Variants in SLC9A6 observed in about 807,000 individuals in gnomAD.
SLC9A6 encodes solute carrier family 9 member A6, also known as sodium/hydrogen exchanger 6.
Under a neutral mutation model 45.3 loss-of-function variants are expected in SLC9A6, and 6 were observed. The observed-to-expected ratio is 0.13, with a 90% CI of 0.07 to 0.26. SLC9A6 has a LOEUF of 0.26. SLC9A6 is among the 10% of genes least tolerant of loss of function. The probability of loss-of-function intolerance (pLI) is 1.00; values close to 1 mark genes in which losing one functional copy is unlikely to be tolerated. For synonymous variants in SLC9A6, 191 were observed against 187.7 expected, an observed-to-expected ratio of 1.02 and a Z score of -0.14; for missense variants, 278 against 503.7, an observed-to-expected ratio of 0.55 and a Z score of 4.29.
chrX:136,029,112 A>G lies in SLC9A6; in HGVS notation c.1550+137A>G, dbSNP rs1269966008. 57 of 263,499 alleles carry G rather than the reference A, an allele frequency of 2.2e-4. No individual in the cohort carries two copies. In the East Asian group the frequency reaches 3.2e-3, roughly 15 times the overall value. The allele number at this position is 263,499 out of a possible 1,213,427, so 21.7% of individuals were successfully genotyped here. On this transcript the variant is annotated intron_variant, in intron 14 of 17. Transcript: ENST00000630721. ...TTTGGAACTTGAAAATCGCTTAAAAAATGAGGGAAAGCACATTGCAGCTGG... is the reference window on the plus strand; with the variant it reads ...TTTGGAACTTGAAAATCGCTTAAAAGATGAGGGAAAGCACATTGCAGCTGG...
intron 7 of SLC9A6, among the ~76,000 whole-genome samples, chrX:136,004,551 C>G (rs983209037): frequency 1.2e-4 from 14 of 112,074 alleles, no homozygotes; most frequent in Non-Finnish European, 2.6e-4. Flanking sequence ...AAGAATAAAA[C>G]ATCACTGGCT....
chrX:135,990,824 G>A (rs2089418316), intron 2 of SLC9A6, among the ~76,000 whole-genome samples: 1 of 111,629 alleles, frequency 9.0e-6, no homozygotes, highest in Admixed American at 9.5e-5. Flanking sequence ...GTTGGGCTTG[G>A]GGACATGGAA....
At chrX:136,038,348 ATTGT>A (rs1287410525) in intron 16 of SLC9A6, among the ~76,000 whole-genome samples, 1 of 111,789 alleles carries the variant, frequency 8.9e-6, no homozygotes, top group Non-Finnish European at 1.9e-5. Flanking sequence ...TCATTGATTG[ATTGT>A]TTGAATGTTA....
At chrX:136,020,940 C>T (rs2148185040) in intron 11 of SLC9A6, among the ~76,000 whole-genome samples, 1 of 108,367 alleles carries the variant, frequency 9.2e-6, no homozygotes, top group African/African-American at 3.4e-5. Context: ...TCTGGCTCAG[C>T]CCAAGAATTG....
In SLC9A6 at chrX:136,016,735, C is replaced by T. The variant is rs1162173194; in HGVS notation, c.1171C>T (p.Pro391Ser). ...LFTFQNHVFNPTFVVGAFVAI... is the reference protein window; with the variant it reads ...LFTFQNHVFNSTFVVGAFVAI... Reference sequence around the variant, plus strand: ...CACCTTCCAGAACCATGTCTTTAACCCAACATTTGTAGTAGGAGCATTTGT... The same window carrying T: ...CACCTTCCAGAACCATGTCTTTAACTCAACATTTGTAGTAGGAGCATTTGT... Residue 391 changes from proline to serine, a missense_variant, in exon 11 of 18, where the codon CCA (proline) becomes TCA (serine). By Grantham distance (74) the Pro-to-Ser change is moderately conservative. This residue lies in a region of SLC9A6 where 41 missense variants were observed against 51.8 expected (regional missense o/e 0.79). Transcript: ENST00000630721. 1.7e-6 allele frequency: 2 copies of T among 1,149,356 alleles called. No homozygotes were observed. The highest frequency in any genetic ancestry group is 2.4e-6 in the Non-Finnish European group (2 of 840,563). 94.7% of individuals were successfully genotyped at this position (1,149,356 alleles called of 1,213,427 possible).
Position 136,022,718 on chromosome X carries a change from C to T in SLC9A6, c.1306+21C>T, listed in dbSNP as rs1556620055. 2.9e-6 allele frequency: 3 copies of T among 1,019,863 alleles called. No individual in the cohort carries two copies. The South Asian group carries it at 5.7e-5, about 19-fold the overall frequency. The allele number at this position is 1,019,863 out of a possible 1,213,427, so 84.0% of individuals were successfully genotyped here. ...TGCTGGTAAGTTGTAACTTTCTTCTCTTGCCCACTTCAAGCAACCATTCAC... is the reference window on the plus strand; with the variant it reads ...TGCTGGTAAGTTGTAACTTTCTTCTTTTGCCCACTTCAAGCAACCATTCAC... On this transcript the variant is annotated intron_variant, in intron 12 of 17. Coordinates refer to ENST00000630721, the MANE Select transcript of SLC9A6 (RefSeq NM_001379110.1).
intron 16 of SLC9A6, among the ~76,000 whole-genome samples, chrX:136,035,936 T>TC (rs2071406294): frequency 1.9e-5 from 2 of 104,354 alleles, no homozygotes; most frequent in South Asian, 4.6e-4. Flanking sequence ...TTTTTTTTTT[T>TC]CTCAATGTAG....
In SLC9A6 at chrX:136,027,107, G is replaced by C. The variant is rs2071241765; in HGVS notation, c.1461-1779G>C. On this transcript the variant is annotated intron_variant, in intron 13 of 17. Coordinates refer to ENST00000630721, the MANE Select transcript of SLC9A6 (RefSeq NM_001379110.1). ...CAGTGATCAAAATAAGATAGAAAAGGTTCCTCGACTCATAACATCCATACT... is the reference window on the plus strand; with the variant it reads ...CAGTGATCAAAATAAGATAGAAAAGCTTCCTCGACTCATAACATCCATACT... 2.7e-5 allele frequency among the ~76,000 whole-genome samples: 3 copies of C among 111,898 alleles called. No individual in the cohort carries two copies. In the Admixed American group the frequency reaches 2.9e-4, roughly 11 times the overall value.
chrX:136,044,381 G>A (rs1279584856), intron 17 of SLC9A6, 71 bp from the exon 18 acceptor site: 3 of 992,945 alleles, frequency 3.0e-6, no homozygotes, highest in African/African-American at 1.9e-5. Flanking sequence ...GGGGATCCTC[G>A]AAAATACTCC....
chrX:135,984,523 T>C (rs2089304636), upstream of SLC9A6, among the ~76,000 whole-genome samples: 1 of 110,101 alleles, frequency 9.1e-6, no homozygotes, highest in African/African-American at 3.3e-5. Flanking sequence ...ACAGAAAAAA[T>C]AGGAAGTCAC....
intron 17 of SLC9A6, among the ~76,000 whole-genome samples, chrX:136,041,122 GA>G (rs1231264568): frequency 9.8e-6 from 1 of 101,946 alleles, no homozygotes; most frequent in Admixed American, 1.1e-4. Context: ...TGTATCAAAA[GA>G]AAAAAAAAAG....
intron 7 of SLC9A6, 132 bp from the exon 8 acceptor site, chrX:136,010,310 T>G: frequency 1.4e-6 from 1 of 698,229 alleles, no homozygotes; most frequent in Non-Finnish European, 2.1e-6. Flanking sequence ...AATTTTGTCC[T>G]TATTTTGGCA....
chrX:136,042,970 TAA>T (rs199813137), intron 17 of SLC9A6, among the ~76,000 whole-genome samples: 1,174 of 112,049 alleles, frequency 0.01, 5 homozygotes, highest in African/African-American at 0.014. Flanking sequence ...CCTAACTATG[TAA>T]AAGTATATAG....
Position 136,046,251 on chromosome X carries a change from A to G in SLC9A6, c.*1527A>G, listed in dbSNP as rs1455421848. The G allele has an allele frequency of 8.9e-6, 1 of 112,024 alleles. No individual in the cohort carries two copies. Among genetic ancestry groups the G allele is most frequent in the African/African-American group, 3.3e-5 (1 of 30,668 alleles). The allele number at this position is 112,024 out of a possible 1,213,427, so 9.2% of individuals were successfully genotyped here. ...ACCCTTCTGAACAAAACATGTACTTACTCTCCGAAAGGCATCTATCTGTGC... is the reference window on the plus strand; with the variant it reads ...ACCCTTCTGAACAAAACATGTACTTGCTCTCCGAAAGGCATCTATCTGTGC... On this transcript the variant is annotated 3_prime_UTR_variant, in exon 18 of 18. Coordinates refer to ENST00000630721, the MANE Select transcript of SLC9A6 (RefSeq NM_001379110.1).
intron 10 of SLC9A6, 107 bp from the exon 11 acceptor site, chrX:136,016,538 C>A (rs2071022212): frequency 2.0e-6 from 1 of 504,463 alleles, no homozygotes; most frequent in South Asian, 2.8e-5. Context: ...TGTGTGTATG[C>A]ATGAAGTTTA....
chrX:135,981,612 G>A (rs1457796376), upstream of SLC9A6, among the ~76,000 whole-genome samples: 1 of 112,028 alleles, frequency 8.9e-6, no homozygotes. Flanking sequence ...GCACATAGAC[G>A]GCAGGAAACC....
intron 15 of SLC9A6, among the ~76,000 whole-genome samples, chrX:136,032,131 G>A (rs1279013470): frequency 3.6e-5 from 4 of 111,945 alleles, no homozygotes; most frequent in Admixed American, 9.5e-5. Flanking sequence ...GCAGTGGCAC[G>A]ATCTCAGGTC....
intron 15 of SLC9A6, among the ~76,000 whole-genome samples, chrX:136,032,777 G>A (rs2071348431): frequency 8.9e-6 from 1 of 112,508 alleles, no homozygotes; most frequent in Admixed American, 9.4e-5. Context: ...CCCAAATATA[G>A]GGATGTTGAT....
chrX:136,034,188 T>C (rs1377928418), intron 16 of SLC9A6, among the ~76,000 whole-genome samples: 1 of 110,382 alleles, frequency 9.1e-6, no homozygotes, highest in Non-Finnish European at 1.9e-5. Context: ...AGGTGAGCAA[T>C]GGGCCAGTGA....
Sources: gnomAD v4.1 joint callset for allele counts (sites outside exome capture counted in the v4.1 genomes callset) on GRCh38, gnomAD v4.1.1 for gene constraint, gnomAD v4.1.1 regional missense constraint, MANE v1.5 for transcripts, NCBI Gene and HGNC (gene_info 2026-07-23, HGNC 2026-07-21) for gene names.